The following UBE2E1 variants were observed in gnomAD, a reference collection of about 807,000 sequenced individuals.
UBE2E1 encodes ubiquitin-conjugating enzyme E2 E1.
Under a neutral mutation model 21.4 loss-of-function variants are expected in UBE2E1, and 6 were observed. The ratio of observed to expected loss-of-function variants is 0.28; its 90% CI spans 0.15 to 0.55. UBE2E1 has a LOEUF of 0.55. Ranked by LOEUF, UBE2E1 falls within the 20% of genes least tolerant of loss-of-function variation. The pLI is 0.93. For missense variants in UBE2E1, 142 were observed against 236.5 expected (o/e 0.60, Z 2.62); for synonymous variants, 87 against 82.7 (o/e 1.05, Z -0.28).
chr3:23,890,408 C>CACAT, intron 5 of UBE2E1, 101 bp from the exon 6 acceptor site: 2 of 1,077,190 alleles, frequency 1.9e-6, no homozygotes, highest in East Asian at 5.2e-5. Flanking sequence ...GGTTTGATCA[C>CACAT]ACATACTTTG....
intron 3 of UBE2E1, chr3:23,879,593 T>C (rs1217827410): frequency 2.1e-5 from 5 of 239,626 alleles, no homozygotes; most frequent in Non-Finnish European, 4.2e-5. Flanking sequence ...CTAACCATCC[T>C]TCCCTTCTCT....
intron 2 of UBE2E1, among the ~76,000 whole-genome samples, chr3:23,811,254 A>G (rs1699384535): frequency 6.6e-6 from 1 of 152,176 alleles, no homozygotes; most frequent in Non-Finnish European, 1.5e-5. Context: ...GCAGATGAGA[A>G]CAGGAGATTC....
At chr3:23,833,133 C>T (rs1183784067) in intron 3 of UBE2E1, among the ~76,000 whole-genome samples, 3 of 152,160 alleles carry the variant, frequency 2.0e-5, no homozygotes, top group Non-Finnish European at 4.4e-5. Context: ...TCCCTTTTCT[C>T]CCATTTTTCC....
intron 2 of UBE2E1, among the ~76,000 whole-genome samples, 160 bp from the exon 3 acceptor site, chr3:23,811,300 C>G (rs1373238609): frequency 6.6e-6 from 1 of 152,162 alleles, no homozygotes; most frequent in East Asian, 1.9e-4. Flanking sequence ...AAGTTTTTTT[C>G]CTAAACTAGG....
intron 3 of UBE2E1, among the ~76,000 whole-genome samples, chr3:23,821,916 C>T (rs1485214481): frequency 1.3e-5 from 2 of 151,848 alleles, no homozygotes; most frequent in South Asian, 2.1e-4. Context: ...GATACATACA[C>T]ATTTGTAAAG....
chr3:23,825,248 C>A (rs949185429), intron 3 of UBE2E1, among the ~76,000 whole-genome samples: 1 of 152,166 alleles, frequency 6.6e-6, no homozygotes, highest in Non-Finnish European at 1.5e-5. Context: ...TGTTTCTCTG[C>A]CTGTTTACTT....
intron 4 of UBE2E1, among the ~76,000 whole-genome samples, chr3:23,888,460 C>T (rs1701248213): frequency 6.6e-6 from 1 of 152,110 alleles, no homozygotes; most frequent in African/African-American, 2.4e-5. Context: ...GTATATTTCA[C>T]AAATAAAAAT....
At chr3:23,862,869 G>T (rs1054781340) in intron 3 of UBE2E1, among the ~76,000 whole-genome samples, 5 of 152,046 alleles carry the variant, frequency 3.3e-5, no homozygotes, top group Non-Finnish European at 5.9e-5. Flanking sequence ...GGGGCTACAG[G>T]CATGCACCAC....
At chr3:23,890,483 A>T in intron 5 of UBE2E1, 26 bp from the exon 6 acceptor site, 2 of 1,601,162 alleles carry the variant, frequency 1.2e-6, no homozygotes, top group Non-Finnish European at 1.7e-6. Context: ...CCTTTCTCCA[A>T]AGTAATCTAC....
rs1553637746 is a variant in UBE2E1 at position 23,842,250 on chromosome 3, G to GTGTGTGTGGTGGTGT, written c.203+30743_203+30744insGTGTGGTGGTGTTGT. Among the ~76,000 whole-genome samples, 6 of 86,370 alleles carry GTGTGTGTGGTGGTGT rather than the reference G, an allele frequency of 6.9e-5. 2 individuals carry two copies. In the South Asian group the frequency reaches 2.2e-3, roughly 32 times the overall value. 56.7% of individuals were successfully genotyped at this position (86,370 alleles called of 152,430 possible). On this transcript the variant is annotated intron_variant, in intron 3 of 5. Coordinates refer to ENST00000306627, the MANE Select transcript of UBE2E1 (RefSeq NM_003341.5). This position sits in a 1 kb window ranked among gnomAD's most constrained non-coding sequence, Gnocchi z 4.6. Reference sequence around the variant, plus strand: ...GTGTGTGTGTGTGTGTGTGTGTGTGGTGTTGTTGTTGTTGGCGACAGGGTC... The same window carrying GTGTGTGTGGTGGTGT: ...GTGTGTGTGTGTGTGTGTGTGTGTGGTGTGTGTGGTGGTGTTGTTGTTGTTGTTGGCGACAGGGTC...
chr3:23,849,102 T>C (rs1230408333), intron 3 of UBE2E1, among the ~76,000 whole-genome samples: 1 of 152,224 alleles, frequency 6.6e-6, no homozygotes, highest in South Asian at 2.1e-4. Flanking sequence ...TTTGCATGGC[T>C]ATATTTTATT....
At chr3:23,817,234 G>A (rs1371164639) in intron 3 of UBE2E1, among the ~76,000 whole-genome samples, 1 of 152,096 alleles carries the variant, frequency 6.6e-6, no homozygotes, top group African/African-American at 2.4e-5. Flanking sequence ...CCTGAGGTCA[G>A]CAGTTTGACA....
rs200841979 is a variant in UBE2E1, at chr3:23,868,722, T to TG, written c.204-18845_204-18844insG. On this transcript the variant is annotated intron_variant, in intron 3 of 5. Coordinates refer to ENST00000306627, the MANE Select transcript of UBE2E1 (RefSeq NM_003341.5). ...AATTGGGAAGTAAACACAGTGTTGT[T>TG]TTTTTTTTTTAATCTCAATAATTGG... is the stretch of plus-strand genomic sequence containing the variant. 4.6e-3 allele frequency among the ~76,000 whole-genome samples: 692 copies of TG among 149,428 alleles called. 9 individuals carry two copies. Among genetic ancestry groups the TG allele is most frequent in the African/African-American group, 0.016 (663 of 41,032 alleles).
intron 3 of UBE2E1, among the ~76,000 whole-genome samples, chr3:23,885,741 T>A (rs1448199704): frequency 6.6e-6 from 1 of 152,068 alleles, no homozygotes; most frequent in Non-Finnish European, 1.5e-5. Flanking sequence ...ATGCCTGTAG[T>A]CCCAGTTACT....
intron 3 of UBE2E1, among the ~76,000 whole-genome samples, chr3:23,832,593 C>T (rs1180978312): frequency 2.6e-5 from 4 of 151,974 alleles, no homozygotes; most frequent in African/African-American, 7.2e-5. Context: ...TGCAGTCAGC[C>T]GAGAGAGAAT....
At chr3:23,813,029 CA>C (rs1304606934) in intron 3 of UBE2E1, among the ~76,000 whole-genome samples, 1 of 151,072 alleles carries the variant, frequency 6.6e-6, no homozygotes, top group African/African-American at 2.4e-5. Context: ...ACTTCAGTTT[CA>C]CATCGTTTTA....
intron 3 of UBE2E1, among the ~76,000 whole-genome samples, chr3:23,814,543 T>A (rs1699471026): frequency 6.6e-6 from 1 of 152,214 alleles, no homozygotes; most frequent in South Asian, 2.1e-4. Flanking sequence ...AACTCACTCT[T>A]CATTTTGGTT....
chr3:23,814,559 T>C (rs1282700180), intron 3 of UBE2E1, among the ~76,000 whole-genome samples: 3 of 152,198 alleles, frequency 2.0e-5, no homozygotes, highest in Non-Finnish European at 4.4e-5. Context: ...TGGTTAGGCT[T>C]TTATTCCCAT....
At chr3:23,852,192 T>C (rs1388712664) in intron 3 of UBE2E1, among the ~76,000 whole-genome samples, 1 of 152,210 alleles carries the variant, frequency 6.6e-6, no homozygotes, top group African/African-American at 2.4e-5. Context: ...CTTTATAAAT[T>C]ACCTAGCCTT....
Sources: allele counts gnomAD v4.1 joint callset (sites outside exome capture counted in the v4.1 genomes callset), GRCh38; gene constraint gnomAD v4.1.1; non-coding constraint Gnocchi (gnomAD v3.1); transcripts MANE v1.5; gene names NCBI Gene and HGNC (gene_info 2026-07-23, HGNC 2026-07-21).